Variants in THEM4 observed in about 807,000 individuals in gnomAD.
THEM4 encodes the protein thioesterase superfamily member 4, also known as acyl-coenzyme A thioesterase THEM4.
A neutral mutation model predicts 25.0 loss-of-function variants in THEM4; 22 were observed. The ratio of observed to expected loss-of-function variants is 0.88; its 90% CI spans 0.63 to 1.26. The LOEUF is 1.26. Among genes scored for constraint, THEM4 ranks in the 50% most tolerant of loss-of-function variants. The probability of loss-of-function intolerance (pLI) is 0.00; values close to 1 mark genes in which losing one functional copy is unlikely to be tolerated. For missense variants in THEM4, 286 were observed against 300.3 expected (o/e 0.95, Z 0.35); for synonymous variants, 113 against 105.6 (o/e 1.07, Z -0.43).
chr1:151,896,114 T>G (rs1027637655), intron 1 of THEM4, among the ~76,000 whole-genome samples: 3 of 151,548 alleles, frequency 2.0e-5, no homozygotes, highest in Non-Finnish European at 4.4e-5. Flanking sequence ...TGCCTCAGCC[T>G]TCTGAGTAGC....
Position 151,909,399 on chromosome 1 carries a change from T to C in THEM4, c.60A>G (p.Val20=). Residue 20 remains valine, a synonymous_variant, in exon 1 of 6, where the codon GTA becomes GTG. Transcript: ENST00000368814. ...RTLGALCLPP[V]GRRLPGSEPR... ...GCTCGCTTCCCGGCAGGCGCCGGCC[T>C]ACTGGCGGCAGGCACAGAGCCCCCA... 2.0e-6 allele frequency: 3 copies of C among 1,505,162 alleles called. No individual in the cohort carries two copies. The highest frequency in any genetic ancestry group is 2.6e-6 in the Non-Finnish European group (3 of 1,133,606). 93.2% of individuals were successfully genotyped at this position (1,505,162 alleles called of 1,614,324 possible).
intron 4 of THEM4, among the ~76,000 whole-genome samples, chr1:151,887,917 G>C (rs1326634562): frequency 2.0e-5 from 3 of 152,164 alleles, no homozygotes; most frequent in African/African-American, 7.2e-5. Context: ...GAGACCCTTA[G>C]AAGTACTTGG....
intron 4 of THEM4, among the ~76,000 whole-genome samples, chr1:151,887,618 T>TTGTGTG (rs369505174): frequency 6.6e-6 from 1 of 150,872 alleles, no homozygotes; most frequent in Admixed American, 6.6e-5. Flanking sequence ...ACTCGGTGTT[T>TTGTGTG]TGTGTGTGTG....
chr1:151,901,725 C>T (rs984190893), intron 1 of THEM4, among the ~76,000 whole-genome samples: 2 of 152,082 alleles, frequency 1.3e-5, no homozygotes, highest in Admixed American at 1.3e-4. Context: ...CGCCTGTAAT[C>T]CCAGCTACTC....
chr1:151,888,352 T>G lies in THEM4; in HGVS notation c.478A>C (p.Ile160Leu). Residue 160 changes from isoleucine to leucine, a missense_variant, in exon 4 of 6, where the codon ATT (isoleucine) becomes CTT (leucine). Physicochemically the swap from Ile to Leu is conservative, Grantham distance 5. Transcript: ENST00000368814. ...GCACACATACCAACAGTAGCATCAA[T>G]CATGGTTGCAATGGCACCTCCATGA... ...FIHGGAIATM[I>L]DATVGMCAMM... is the part of the protein sequence containing the mutation. 1 of 1,613,364 alleles carries G rather than the reference T, an allele frequency of 6.2e-7. No individual in the cohort carries two copies. The highest frequency in any genetic ancestry group is 1.1e-5 in the South Asian group (1 of 90,956).
chr1:151,897,433 C>T (rs1048107970), intron 1 of THEM4, among the ~76,000 whole-genome samples: 3 of 152,332 alleles, frequency 2.0e-5, no homozygotes, highest in Admixed American at 2.0e-4. Context: ...ATCTTTCTTC[C>T]ATGCTGGATG....
intron 1 of THEM4, among the ~76,000 whole-genome samples, chr1:151,908,584 G>T (rs1308368557): frequency 6.6e-6 from 1 of 152,274 alleles, no homozygotes; most frequent in East Asian, 1.9e-4. Context: ...TAGATAATAA[G>T]GGTGTTAAAA....
chr1:151,884,536 T>G (rs540009214), intron 4 of THEM4, among the ~76,000 whole-genome samples: 1 of 152,324 alleles, frequency 6.6e-6, no homozygotes, highest in Non-Finnish European at 1.5e-5. Flanking sequence ...AGAGGAAATG[T>G]TCTGACCTTT....
chr1:151,896,575 AG>A (rs906898249), intron 1 of THEM4, among the ~76,000 whole-genome samples: 3 of 152,332 alleles, frequency 2.0e-5, no homozygotes, highest in African/African-American at 7.2e-5. Context: ...TGGCATTATT[AG>A]GGTGCAAGAA....
At chr1:151,888,243 A>C (rs773663756) in intron 4 of THEM4, 30 bp downstream of exon 4, 2 of 1,566,232 alleles carry the variant, frequency 1.3e-6, no homozygotes, top group Non-Finnish European at 1.7e-6. Context: ...ACAACACCTA[A>C]GGATAAATAG....
At chr1:151,906,396 G>A (rs1654467270) in intron 1 of THEM4, among the ~76,000 whole-genome samples, 2 of 152,364 alleles carry the variant, frequency 1.3e-5, no homozygotes, top group Admixed American at 6.5e-5. Flanking sequence ...GGGACCTGCA[G>A]CCTGCCATGC....
intron 4 of THEM4, among the ~76,000 whole-genome samples, chr1:151,879,825 T>C (rs999891327): frequency 7.0e-6 from 1 of 142,262 alleles, no homozygotes; most frequent in African/African-American, 2.6e-5. Flanking sequence ...CCCAGCTAAG[T>C]TTTTGTATTT....
In THEM4 at chr1:151,895,008, C is replaced by G. The variant is rs551228056; in HGVS notation, c.286G>C (p.Asp96His). 1 of 1,613,784 alleles carries G rather than the reference C, an allele frequency of 6.2e-7. No homozygotes were observed. The highest frequency in any genetic ancestry group is 1.1e-5 in the South Asian group (1 of 91,056). Residue 96 changes from aspartate to histidine, a missense_variant and splice_region_variant, in exon 2 of 6, where the codon GAC (aspartate) becomes CAC (histidine). Coordinates refer to ENST00000368814, the MANE Select transcript of THEM4 (RefSeq NM_053055.5). ...TTAATGGGAAAGTGGCTGTTTCTAC[C>G]AAGAAAATGGGTTTTGAAGTCTTGA... ...WIQDFKTHFLDPKLMKEEQMS... is the reference protein window; with the variant it reads ...WIQDFKTHFLHPKLMKEEQMS...
At chr1:151,880,321 G>GA (rs1408946878) in intron 4 of THEM4, among the ~76,000 whole-genome samples, 1 of 151,774 alleles carries the variant, frequency 6.6e-6, no homozygotes, top group Non-Finnish European at 1.5e-5. Flanking sequence ...ACTAAAAATA[G>GA]AAAAAAATTA....
intron 4 of THEM4, among the ~76,000 whole-genome samples, chr1:151,887,634 G>T (rs1654002191): frequency 2.0e-5 from 3 of 151,770 alleles, no homozygotes; most frequent in Non-Finnish European, 4.4e-5. Context: ...GTGTGTGTGT[G>T]TTTTTGTTGT....
chr1:151,892,263 A>G (rs780664713), intron 2 of THEM4, among the ~76,000 whole-genome samples: 27 of 152,310 alleles, frequency 1.8e-4, no homozygotes, highest in East Asian at 3.9e-4. Flanking sequence ...GAGCAAGTAG[A>G]AGGAGGAGGG....
intron 2 of THEM4, chr1:151,891,382 T>C (rs1312734605): frequency 6.6e-6 from 1 of 152,210 alleles, no homozygotes; most frequent in Non-Finnish European, 1.5e-5. Flanking sequence ...ACCAAACTTA[T>C]CTGCTAGATG....
Position 151,882,845 on chromosome 1 carries a change from G to C in THEM4, c.557+5428C>G, listed in dbSNP as rs576734992. Among the ~76,000 whole-genome samples, 21 of 152,226 alleles carry C rather than the reference G, an allele frequency of 1.4e-4. No individual in the cohort carries two copies. In the East Asian group the frequency reaches 4.1e-3, roughly 29 times the overall value. ...AAATGATTTGAAGGTTTACTGGGCT[G>C]TGAGATTATAAAAATCATGAGAGTT... is the stretch of plus-strand genomic sequence containing the variant. On this transcript the variant is annotated intron_variant, in intron 4 of 5. Transcript: ENST00000368814.
At chr1:151,891,273 TGAG>T (rs1654086206) in intron 2 of THEM4, 1 of 152,200 alleles carries the variant, frequency 6.6e-6, no homozygotes, top group African/African-American at 2.4e-5. Context: ...AATAACATGA[TGAG>T]ATTTGCATTT....
Sources: allele counts gnomAD v4.1 joint callset (sites outside exome capture counted in the v4.1 genomes callset), GRCh38; gene constraint gnomAD v4.1.1; transcripts MANE v1.5; gene names NCBI Gene and HGNC (gene_info 2026-07-23, HGNC 2026-07-21).